MIPOL1: variants seen among roughly 807,000 people sequenced by gnomAD.
MIPOL1 encodes the protein mirror-image polydactyly gene 1 protein.
MIPOL1 carries 57 observed loss-of-function variants against 60.9 expected under a neutral mutation model. The ratio of observed to expected loss-of-function variants is 0.94; its 90% CI spans 0.76 to 1.17. The LOEUF (loss-of-function observed/expected upper bound fraction) is 1.17, where lower values mean the gene tolerates loss of function less well. Ranked by LOEUF, MIPOL1 falls within the 50% of genes most tolerant of loss-of-function variation. MIPOL1 has a pLI of 0.00. For missense variants in MIPOL1, 551 were observed against 511.6 expected (o/e 1.08, Z -0.74); for synonymous variants, 179 against 168.8 (o/e 1.06, Z -0.47).
At position 37,216,649 on chromosome 14, in the gene MIPOL1, A is replaced by T. The variant is rs187433086; in HGVS notation, c.-199+18545A>T. Among the ~76,000 whole-genome samples the T allele has an allele frequency of 7.2e-5, 11 of 152,346 alleles. No individual in the cohort carries two copies. The East Asian group carries it at 2.1e-3, about 29-fold the overall frequency. On this transcript the variant is annotated intron_variant, in intron 1 of 12. Transcript: ENST00000684589. Reference sequence around the variant, plus strand: ...AAGATGAATTTTGGAAACTGGACAAATACTTGGAAATTAAACAGTATACTC... The same window carrying T: ...AAGATGAATTTTGGAAACTGGACAATTACTTGGAAATTAAACAGTATACTC...
intron 9 of MIPOL1, among the ~76,000 whole-genome samples, chr14:37,350,411 T>A (rs1051720772): frequency 6.6e-6 from 1 of 151,650 alleles, no homozygotes; most frequent in Non-Finnish European, 1.5e-5. Context: ...TTTTTCTTTC[T>A]TTCCTATTTT....
chr14:37,513,916 A>G (rs1235661949), intron 12 of MIPOL1, among the ~76,000 whole-genome samples: 1 of 152,152 alleles, frequency 6.6e-6, no homozygotes, highest in Non-Finnish European at 1.5e-5. Flanking sequence ...ATGAGATACC[A>G]TACTGTTTCA....
chr14:37,285,941 A>G (rs1440563310), intron 7 of MIPOL1, among the ~76,000 whole-genome samples: 2 of 152,182 alleles, frequency 1.3e-5, no homozygotes, highest in African/African-American at 2.4e-5. Context: ...CCTGTCAGGA[A>G]TAGCAGTCAG....
chr14:37,267,252 A>G, intron 4 of MIPOL1, 83 bp downstream of exon 4: 5 of 1,011,752 alleles, frequency 4.9e-6, no homozygotes, highest in Non-Finnish European at 7.5e-6. Flanking sequence ...CTTTGGGAGG[A>G]CGAGGTGGGT....
At chr14:37,516,655 G>A (rs1023900017) in intron 12 of MIPOL1, among the ~76,000 whole-genome samples, 3 of 152,020 alleles carry the variant, frequency 2.0e-5, no homozygotes, top group African/African-American at 7.2e-5. Context: ...TTACATTTTG[G>A]CTACTTTTTA....
At chr14:37,268,633 A>C in intron 4 of MIPOL1, 25 bp from the exon 5 acceptor site, 1 of 1,547,060 alleles carries the variant, frequency 6.5e-7, no homozygotes, top group Non-Finnish European at 8.7e-7. Flanking sequence ...TTACTCTGAA[A>C]TGTTAATCAG....
At chr14:37,344,827 C>T (rs189541008) in intron 9 of MIPOL1, among the ~76,000 whole-genome samples, 1 of 151,900 alleles carries the variant, frequency 6.6e-6, no homozygotes, top group Non-Finnish European at 1.5e-5. Context: ...GCTAGTAGTT[C>T]GAGAACCAGC....
intron 9 of MIPOL1, among the ~76,000 whole-genome samples, chr14:37,327,093 A>G (rs1373661118): frequency 6.6e-6 from 1 of 152,124 alleles, no homozygotes; most frequent in Non-Finnish European, 1.5e-5. Flanking sequence ...GTGAAGAGAG[A>G]TGAAGTCAGA....
At chr14:37,266,089 A>G (rs2082854502) in intron 3 of MIPOL1, among the ~76,000 whole-genome samples, 1 of 152,150 alleles carries the variant, frequency 6.6e-6, no homozygotes, top group Admixed American at 6.6e-5. Flanking sequence ...CCCAGGAGGG[A>G]TCAACACAGA....
In MIPOL1 at chr14:37,499,851, T is replaced by A. The variant is rs2095189360; in HGVS notation, c.1032-57T>A. On this transcript the variant is annotated intron_variant, in intron 11 of 12. Coordinates refer to ENST00000684589, the MANE Select transcript of MIPOL1 (RefSeq NM_001388067.1). ...TAAATGGAGGTTTTTGTTAAATAGATCATAGATCACTCAGTTTACATTACT... is the reference window on the plus strand; with the variant it reads ...TAAATGGAGGTTTTTGTTAAATAGAACATAGATCACTCAGTTTACATTACT... 4.6e-6 allele frequency: 4 copies of A among 876,052 alleles called. No homozygotes were observed. In the East Asian group the frequency reaches 8.0e-5, roughly 18 times the overall value. The allele number at this position is 876,052 out of a possible 1,614,324, so 54.3% of individuals were successfully genotyped here.
intron 9 of MIPOL1, among the ~76,000 whole-genome samples, chr14:37,347,265 A>G (rs1284841994): frequency 6.6e-6 from 1 of 152,224 alleles, no homozygotes; most frequent in Non-Finnish European, 1.5e-5. Context: ...ACCATTGAAT[A>G]GGCATATAAA....
intron 9 of MIPOL1, among the ~76,000 whole-genome samples, chr14:37,344,793 G>A (rs1474916479): frequency 1.3e-5 from 2 of 152,026 alleles, no homozygotes; most frequent in South Asian, 2.1e-4. Flanking sequence ...ACTTAGGGAC[G>A]CCCAGGCAGG....
chr14:37,341,117 A>T (rs1384022004), intron 9 of MIPOL1, among the ~76,000 whole-genome samples: 1 of 152,196 alleles, frequency 6.6e-6, no homozygotes. Context: ...AAATAGCCTA[A>T]TTATGCATTT....
chr14:37,487,241 AT>A (rs1333254345), intron 11 of MIPOL1, among the ~76,000 whole-genome samples: 1 of 152,124 alleles, frequency 6.6e-6, no homozygotes, highest in East Asian at 1.9e-4. Context: ...GTTTGCAAGT[AT>A]TTTATTGAAG....
At chr14:37,321,196 A>G (rs990810820) in intron 9 of MIPOL1, among the ~76,000 whole-genome samples, 1 of 151,940 alleles carries the variant, frequency 6.6e-6, no homozygotes, top group African/African-American at 2.4e-5. Flanking sequence ...CAAATGATTG[A>G]TCTTTTCATG....
chr14:37,271,391 C>CT (rs1223900923), intron 6 of MIPOL1, among the ~76,000 whole-genome samples: 2 of 151,922 alleles, frequency 1.3e-5, no homozygotes, highest in African/African-American at 4.8e-5. Context: ...CATAATCATG[C>CT]TTTACAAGTC....
chr14:37,208,921 G>A (rs1285786251), intron 1 of MIPOL1, among the ~76,000 whole-genome samples: 2 of 152,144 alleles, frequency 1.3e-5, no homozygotes, highest in Admixed American at 6.5e-5. Context: ...TTATCATTAT[G>A]CAAAATCATA....
chr14:37,206,351 G>T (rs1181964464), intron 1 of MIPOL1, among the ~76,000 whole-genome samples: 1 of 152,186 alleles, frequency 6.6e-6, no homozygotes, highest in Non-Finnish European at 1.5e-5. Context: ...TTGAGCCTGT[G>T]AGTGCACCGA....
intron 12 of MIPOL1, 110 bp from the exon 13 acceptor site, chr14:37,546,795 C>T (rs1048246982): frequency 2.5e-5 from 20 of 806,652 alleles, no homozygotes; most frequent in Admixed American, 4.5e-5. Context: ...TTAACATGAC[C>T]GTGAGGACTG....
Sources: gnomAD v4.1 joint callset for allele counts (sites outside exome capture counted in the v4.1 genomes callset) on GRCh38, gnomAD v4.1.1 for gene constraint, MANE v1.5 for transcripts, NCBI Gene and HGNC (gene_info 2026-07-23, HGNC 2026-07-21) for gene names.